PRKN: variants seen among roughly 807,000 people sequenced by gnomAD.
PRKN encodes E3 ubiquitin-protein ligase parkin.
A neutral mutation model predicts 59.5 loss-of-function variants in PRKN; 56 were observed. That is an observed-to-expected ratio of 0.94 (90% confidence interval 0.76 to 1.18). PRKN has a LOEUF of 1.18. Among genes scored for constraint, PRKN ranks in the 50% most tolerant of loss-of-function variants. PRKN has a pLI of 0.00. For missense variants in PRKN, 657 were observed against 596.4 expected, an observed-to-expected ratio of 1.10 and a Z score of -1.06; for synonymous variants, 250 against 222.1, an observed-to-expected ratio of 1.13 and a Z score of -1.12.
At chr6:161,801,603 C>T (rs762389225) in intron 6 of PRKN, among the ~76,000 whole-genome samples, 2 of 152,210 alleles carry the variant, frequency 1.3e-5, no homozygotes, top group Non-Finnish European at 2.9e-5. Context: ...AACCTAGAGT[C>T]CACGACTTTC....
chr6:161,845,344 G>A (rs12111115), intron 6 of PRKN, among the ~76,000 whole-genome samples: 40,515 of 151,972 alleles, frequency 0.27, 6,081 homozygotes, highest in South Asian at 0.36. Context: ...CACGTGGAAC[G>A]AGGAAAAAAT....
At chr6:161,381,880 A>C (rs1786002761) in intron 10 of PRKN, among the ~76,000 whole-genome samples, 1 of 152,054 alleles carries the variant, frequency 6.6e-6, no homozygotes, top group African/African-American at 2.4e-5. Context: ...CGGGAGGCCA[A>C]GGCGGGTGGA....
rs570102119 is a variant in PRKN, at chr6:161,638,658, C to T, written c.872-69242G>A. Among the ~76,000 whole-genome samples, 7 of 151,638 alleles carry T rather than the reference C, an allele frequency of 4.6e-5. No homozygotes were observed. In the South Asian group the frequency reaches 1.2e-3, roughly 27 times the overall value. ...AATCCCCATGTGTTGTGGGAGGGAC[C>T]CAGTGGGAGGTAATTTAACCATGGG... is the stretch of plus-strand genomic sequence containing the variant. On this transcript the variant is annotated intron_variant, in intron 7 of 11. Transcript: ENST00000366898.
At chr6:161,846,082 TC>T (rs1488962931) in intron 6 of PRKN, among the ~76,000 whole-genome samples, 1 of 152,154 alleles carries the variant, frequency 6.6e-6, no homozygotes, top group East Asian at 1.9e-4. Flanking sequence ...AAAAATAGGC[TC>T]CAAGGCTGTT....
intron 2 of PRKN, among the ~76,000 whole-genome samples, chr6:162,325,799 AAC>A (rs1442445265): frequency 6.6e-6 from 1 of 152,190 alleles, no homozygotes; most frequent in Non-Finnish European, 1.5e-5. Flanking sequence ...GTGACTTTGT[AAC>A]AGTTTAAAAT....
rs150991131 is a variant in PRKN at position 161,877,649 on chromosome 6, T to C, written c.735-91741A>G. 1.2e-3 allele frequency among the ~76,000 whole-genome samples: 186 copies of C among 151,938 alleles called. 3 individuals are homozygous for C. In the East Asian group the frequency reaches 0.029, roughly 24 times the overall value. ...TAATTTTTTTTTTCTTTTGTATTTT[T>C]AGTAGAGACAGGGTTACACCGTGTT... is the stretch of plus-strand genomic sequence containing the variant. On this transcript the variant is annotated intron_variant, in intron 6 of 11. Coordinates refer to ENST00000366898, the MANE Select transcript of PRKN (RefSeq NM_004562.3).
intron 7 of PRKN, among the ~76,000 whole-genome samples, chr6:161,736,399 C>A (rs890743560): frequency 6.6e-6 from 1 of 152,176 alleles, no homozygotes; most frequent in African/African-American, 2.4e-5. Flanking sequence ...GAGAAGAGAT[C>A]ATACATGTAG....
Position 162,165,788 on chromosome 6 carries a change from C to T in PRKN, c.534+35343G>A, listed in dbSNP as rs749176421. ...GTGAGGCCGAGTGTGGTGGCTCATG[C>T]CTGTAATCTCAGCACTTTGGGAGGC... is the stretch of plus-strand genomic sequence containing the variant. On this transcript the variant is annotated intron_variant, in intron 4 of 11. Transcript: ENST00000366898. 1.3e-4 allele frequency among the ~76,000 whole-genome samples: 20 copies of T among 151,460 alleles called. 2 individuals are homozygous for T. Among genetic ancestry groups the T allele is most frequent in the Non-Finnish European group, 2.4e-4 (16 of 67,922 alleles).
chr6:162,186,463 GATAATGTTTGAAGGTGAT>G (rs1490393602), intron 4 of PRKN, among the ~76,000 whole-genome samples: 2 of 22,578 alleles, frequency 8.9e-5, no homozygotes, highest in African/African-American at 3.7e-4. Flanking sequence ...TTGAAGGTGA[GATAATGTTTGAAGGTGAT>G]TTCTTTGTGG....
rs1318588649 is a variant in PRKN, at chr6:161,445,832, T to A, written c.1084-58955A>T. ...TCCCTTCCCTTCCCTTCCCTTCCCTTCCCTATCGACAGCCTTGCAGGGTGG... is the reference window on the plus strand; with the variant it reads ...TCCCTTCCCTTCCCTTCCCTTCCCTACCCTATCGACAGCCTTGCAGGGTGG... On this transcript the variant is annotated intron_variant, in intron 9 of 11. Coordinates refer to ENST00000366898, the MANE Select transcript of PRKN (RefSeq NM_004562.3). This position sits in a 1 kb window ranked among gnomAD's most constrained non-coding sequence, Gnocchi z 7.7. 1.5e-5 allele frequency among the ~76,000 whole-genome samples: 2 copies of A among 133,266 alleles called. No individual in the cohort carries two copies. The highest frequency in any genetic ancestry group is 5.4e-5 in the African/African-American group (2 of 37,120). 87.4% of individuals were successfully genotyped at this position (133,266 alleles called of 152,430 possible). A position where few individuals can be genotyped will look rare whatever the true frequency, so the allele number is the denominator to read the frequency against.
chr6:162,532,285 TATG>T (rs1157863064), intron 1 of PRKN, among the ~76,000 whole-genome samples: 2 of 140,928 alleles, frequency 1.4e-5, no homozygotes, highest in Non-Finnish European at 3.2e-5. Flanking sequence ...AATATGCACT[TATG>T]ATATATGCAC....
At position 162,299,303 on chromosome 6, in the gene PRKN, G is replaced by T. The variant is rs76350741; in HGVS notation, c.172-36538C>A. Among the ~76,000 whole-genome samples, 1,509 of 152,278 alleles carry T rather than the reference G, an allele frequency of 9.9e-3. 21 individuals carry two copies. Among genetic ancestry groups the T allele is most frequent in the African/African-American group, 0.033 (1,376 of 41,558 alleles). On this transcript the variant is annotated intron_variant, in intron 2 of 11. Transcript: ENST00000366898. ...AACAGGGGCAGAGAGGCCAATGGCT[G>T]AATAGAGGAGACTTCCAATCTGAAA...
intron 7 of PRKN, among the ~76,000 whole-genome samples, chr6:161,730,422 T>C (rs184426506): frequency 6.6e-6 from 1 of 151,348 alleles, no homozygotes; most frequent in East Asian, 1.9e-4. Context: ...TTCTTTCTGA[T>C]ATGTTGCATT....
chr6:162,272,247 T>A (rs1780427020), intron 2 of PRKN, among the ~76,000 whole-genome samples: 1 of 152,184 alleles, frequency 6.6e-6, no homozygotes, highest in Non-Finnish European at 1.5e-5. Flanking sequence ...CTGGGTTCCC[T>A]CTTTCATGAA....
intron 6 of PRKN, among the ~76,000 whole-genome samples, chr6:161,820,957 A>T (rs556382793): frequency 6.6e-6 from 1 of 151,918 alleles, no homozygotes; most frequent in African/African-American, 2.4e-5. Flanking sequence ...CTCTCTGTAC[A>T]GCGTGATTCT....
rs773602376 is a variant in PRKN, at chr6:161,487,392, T to TGG, written c.1083+61460_1083+61461dup. Among the ~76,000 whole-genome samples, 3 of 152,120 alleles carry TGG rather than the reference T, an allele frequency of 2.0e-5. No individual in the cohort carries two copies. The highest frequency in any genetic ancestry group is 2.9e-5 in the Non-Finnish European group (2 of 68,004). Reference sequence around the variant, plus strand: ...GTGAGCCAAGGCAAGGAAGACAGTCTGGGGCCTGTGGGATGGCAAAGGAAT... The same window carrying TGG: ...GTGAGCCAAGGCAAGGAAGACAGTCTGGGGGGCCTGTGGGATGGCAAAGGAAT... On this transcript the variant is annotated intron_variant, in intron 9 of 11. Transcript: ENST00000366898. The surrounding 1 kb of genome is among the most constrained non-coding windows in gnomAD (Gnocchi z 5.3).
chr6:161,534,138 T>C (rs1007950411), intron 9 of PRKN, among the ~76,000 whole-genome samples: 2 of 152,120 alleles, frequency 1.3e-5, no homozygotes, highest in Non-Finnish European at 2.9e-5. Context: ...TTCCCTGTCC[T>C]GCTCTTGATC....
chr6:161,492,105 G>T (rs983566052), intron 9 of PRKN, among the ~76,000 whole-genome samples: 1 of 152,036 alleles, frequency 6.6e-6, no homozygotes, highest in African/African-American at 2.4e-5. Flanking sequence ...TCGTTGTTGA[G>T]AACCAAATTA....
In PRKN at chr6:161,810,959, G is replaced by T. The variant is rs574132828; in HGVS notation, c.735-25051C>A. ...AGGATGGGCAGGGGTTCGTCTGATG[G>T]GGAAGAGGAAGAAAGGGTACTCCAA... On this transcript the variant is annotated intron_variant, in intron 6 of 11. Coordinates refer to ENST00000366898, the MANE Select transcript of PRKN (RefSeq NM_004562.3). Among the ~76,000 whole-genome samples, 32 of 152,172 alleles carry T rather than the reference G, an allele frequency of 2.1e-4. 1 individual carries two copies. In the Middle Eastern group the frequency reaches 0.02, roughly 97 times the overall value.
Sources: allele counts gnomAD v4.1 joint callset (sites outside exome capture counted in the v4.1 genomes callset), GRCh38; gene constraint gnomAD v4.1.1; non-coding constraint Gnocchi (gnomAD v3.1); transcripts MANE v1.5; gene names NCBI Gene and HGNC (gene_info 2026-07-23, HGNC 2026-07-21).